The following CNMD variants were observed in gnomAD, a reference collection of about 807,000 sequenced individuals.
CNMD encodes the protein chondromodulin.
In CNMD, 30 loss-of-function variants were observed where a neutral mutation model predicts 37.5. The observed-to-expected ratio is 0.80, with a 90% confidence interval of 0.60 to 1.09. The LOEUF (loss-of-function observed/expected upper bound fraction) is 1.09, where lower values mean the gene tolerates loss of function less well. Among genes scored for constraint, CNMD ranks in the 50% least tolerant of loss-of-function variants. The pLI is 0.00. For missense variants in CNMD, 398 were observed against 423.9 expected, an observed-to-expected ratio of 0.94 and a Z score of 0.54; for synonymous variants, 167 against 148.2, an observed-to-expected ratio of 1.13 and a Z score of -0.92.
chr13:52,724,585 T>G (rs1964541692), intron 3 of CNMD, among the ~76,000 whole-genome samples: 1 of 151,604 alleles, frequency 6.6e-6, no homozygotes, highest in Admixed American at 6.6e-5. Context: ...AGAGCAAGAC[T>G]CCGTCTCAAA....
intron 5 of CNMD, among the ~76,000 whole-genome samples, chr13:52,709,863 C>G (rs2138223756): frequency 6.6e-6 from 1 of 152,170 alleles, no homozygotes; most frequent in African/African-American, 2.4e-5. Flanking sequence ...ATCCCAGCTA[C>G]TTGGGAGGCT....
chr13:52,721,242 G>A (rs1457703570), intron 4 of CNMD, among the ~76,000 whole-genome samples: 1 of 152,222 alleles, frequency 6.6e-6, no homozygotes, highest in African/African-American at 2.4e-5. Flanking sequence ...GGGCTCCATG[G>A]GGGTGGGATC....
In CNMD at chr13:52,703,329, G is replaced by A; in HGVS notation, c.*266C>T. 2.9e-6 allele frequency: 1 copy of A among 339,850 alleles called. No homozygotes were observed. Among genetic ancestry groups the A allele is most frequent in the South Asian group, 8.7e-5 (1 of 11,508 alleles). 21.1% of individuals were successfully genotyped at this position (339,850 alleles called of 1,614,324 possible). ...GCTTTGGAAGATACAAGCAAGGGAA[G>A]ACTTATGGCAAAGCAATGCAAATAA... On this transcript the variant is annotated 3_prime_UTR_variant, in exon 7 of 7. Coordinates refer to ENST00000377962, the MANE Select transcript of CNMD (RefSeq NM_007015.3).
At chr13:52,717,254 G>A (rs1964407189) in intron 4 of CNMD, among the ~76,000 whole-genome samples, 1 of 152,174 alleles carries the variant, frequency 6.6e-6, no homozygotes, top group Admixed American at 6.5e-5. Context: ...TGAGGCAATG[G>A]AGTTTTCTAA....
chr13:52,720,432 T>C (rs1027460621), intron 4 of CNMD, among the ~76,000 whole-genome samples: 1 of 152,222 alleles, frequency 6.6e-6, no homozygotes, highest in African/African-American at 2.4e-5. Flanking sequence ...TTTGGAATTT[T>C]CAGCCTTTTT....
chr13:52,726,510 T>TA (rs79307237), intron 3 of CNMD, among the ~76,000 whole-genome samples: 7,809 of 135,910 alleles, frequency 0.057, 213 homozygotes, highest in South Asian at 0.078. Flanking sequence ...TGTTTACAGC[T>TA]AAAAAAAAAA....
Position 52,712,865 on chromosome 13 carries a change from C to A in CNMD, c.473G>T (p.Gly158Val). 2.6e-6 allele frequency: 4 copies of A among 1,552,084 alleles called. No homozygotes were observed. Among genetic ancestry groups the A allele is most frequent in the Non-Finnish European group, 3.5e-6 (4 of 1,152,816 alleles). ...TKQSISSKLE[G>V]KIMPVKYEEN... The stretch of plus-strand genomic sequence containing the variant: ...TTCATATTTGACTGGCATGATCTTG[C>A]CTTCCTGAAAGTAAAAACGATTGCA... The change falls in exon 5 of 7, where the codon GGC (glycine) becomes GTC (valine). Residue 158 changes from glycine (G) to valine (V), a missense_variant. Physicochemically the swap from Gly to Val is moderately radical, Grantham distance 109 (BLOSUM62 -3). Transcript: ENST00000377962.
intron 3 of CNMD, among the ~76,000 whole-genome samples, chr13:52,726,956 A>G (rs1964583438): frequency 6.6e-6 from 1 of 152,192 alleles, no homozygotes; most frequent in African/African-American, 2.4e-5. Context: ...ATGAAATACA[A>G]TATACACTTA....
At chr13:52,721,624 A>T (rs770521908) in intron 4 of CNMD, among the ~76,000 whole-genome samples, 5 of 152,126 alleles carry the variant, frequency 3.3e-5, no homozygotes, top group African/African-American at 1.2e-4. Flanking sequence ...GGCTGCACCC[A>T]CTGTCTAACC....
At chr13:52,710,173 T>A (rs933445562) in intron 5 of CNMD, among the ~76,000 whole-genome samples, 1 of 152,202 alleles carries the variant, frequency 6.6e-6, no homozygotes, top group African/African-American at 2.4e-5. Flanking sequence ...TCATGCTTTG[T>A]TATTTAGGAG....
chr13:52,723,633 A>C (rs1271874106), intron 4 of CNMD, among the ~76,000 whole-genome samples: 3 of 152,146 alleles, frequency 2.0e-5, no homozygotes, highest in Admixed American at 2.0e-4. Context: ...AGAAACCAAA[A>C]GTGTTGTGCC....
chr13:52,704,301 C>T (rs1964139983), intron 6 of CNMD, among the ~76,000 whole-genome samples: 4 of 152,298 alleles, frequency 2.6e-5, no homozygotes, highest in Middle Eastern at 3.4e-3. Context: ...GTTGCACTGG[C>T]TCTGAGAACA....
intron 3 of CNMD, 100 bp downstream of exon 3, chr13:52,733,119 T>C (rs1347887208): frequency 6.0e-6 from 7 of 1,170,284 alleles, no homozygotes; most frequent in Non-Finnish European, 1.3e-6. Flanking sequence ...AAAGAACAGT[T>C]ACCATTTGGA....
At chr13:52,706,232 AGTGG>A (rs1386165136) in intron 6 of CNMD, among the ~76,000 whole-genome samples, 1 of 152,194 alleles carries the variant, frequency 6.6e-6, no homozygotes, top group Non-Finnish European at 1.5e-5. Context: ...TTTGGTAAGA[AGTGG>A]GTCCTTTCAT....
intron 4 of CNMD, among the ~76,000 whole-genome samples, chr13:52,718,711 T>C (rs1360531916): frequency 6.6e-6 from 1 of 152,244 alleles, no homozygotes; most frequent in Non-Finnish European, 1.5e-5. Flanking sequence ...GAGAGACTGT[T>C]ATGATTTCCA....
intron 5 of CNMD, among the ~76,000 whole-genome samples, chr13:52,709,670 C>T (rs1964261012): frequency 1.3e-5 from 2 of 152,116 alleles, no homozygotes; most frequent in East Asian, 1.9e-4. Context: ...GGGCTGATGG[C>T]TGCCAATTAA....
In CNMD at chr13:52,703,362, C is replaced by A. The variant is rs1490826782; in HGVS notation, c.*233G>T. The A allele has an allele frequency of 1.2e-5, 5 of 403,960 alleles. No homozygotes were observed. The Admixed American group carries it at 1.6e-4, about 13-fold the overall frequency. The allele number at this position is 403,960 out of a possible 1,614,324, so 25.0% of individuals were successfully genotyped here. ...GCAAAGCAATGCAAATAAAAAATAA[C>A]AAATAATAAAGGGGTTATGGCATTT... On this transcript the variant is annotated 3_prime_UTR_variant, in exon 7 of 7. Transcript: ENST00000377962.
intron 2 of CNMD, among the ~76,000 whole-genome samples, chr13:52,735,893 A>G (rs1039271300): frequency 4.0e-5 from 6 of 149,374 alleles, no homozygotes; most frequent in Non-Finnish European, 8.9e-5. Flanking sequence ...GCAGTGGCAC[A>G]ATCTCGACTC....
chr13:52,709,409 G>T (rs1236664023), intron 5 of CNMD, among the ~76,000 whole-genome samples: 1 of 152,300 alleles, frequency 6.6e-6, no homozygotes, highest in East Asian at 1.9e-4. Context: ...TCTGTTAATT[G>T]TAGCCCTAAG....
Sources: gnomAD v4.1 joint callset for allele counts (sites outside exome capture counted in the v4.1 genomes callset) on GRCh38, gnomAD v4.1.1 for gene constraint, MANE v1.5 for transcripts, NCBI Gene and HGNC (gene_info 2026-07-23, HGNC 2026-07-21) for gene names.